The following CD72 variants were observed in gnomAD, a reference collection of about 807,000 sequenced individuals.
CD72 encodes CD72 molecule.
In CD72, 28 loss-of-function variants were observed where a neutral mutation model predicts 50.7. The ratio of observed to expected loss-of-function variants is 0.55; its 90% CI spans 0.41 to 0.76. CD72 has a LOEUF of 0.76. CD72 is among the 30% of genes least tolerant of loss of function. The probability of loss-of-function intolerance (pLI) is 0.00; values close to 1 mark genes in which losing one functional copy is unlikely to be tolerated. For missense variants in CD72, 403 were observed against 420.6 expected, an observed-to-expected ratio of 0.96 and a Z score of 0.37; for synonymous variants, 176 against 171.2, an observed-to-expected ratio of 1.03 and a Z score of -0.22.
chr9:35,617,096 C>T (rs1305867305), intron 3 of CD72, 80 bp downstream of exon 3: 15 of 1,536,810 alleles, frequency 9.8e-6, no homozygotes, highest in Non-Finnish European at 1.2e-5. Context: ...GGAGCTGCAC[C>T]CCGCGGGGCC....
chr9:35,616,308 C>A, intron 4 of CD72, 30 bp from the exon 5 acceptor site: 1 of 1,558,086 alleles, frequency 6.4e-7, no homozygotes, highest in South Asian at 1.1e-5. Context: ...TGGTGGATGT[C>A]TTCTCCAGCC....
chr9:35,616,496 T>G, intron 4 of CD72, 104 bp downstream of exon 4: 2 of 1,004,628 alleles, frequency 2.0e-6, no homozygotes, highest in East Asian at 2.5e-5. Context: ...GCTAAGGAGG[T>G]GGTGGTAGTG....
At chr9:35,625,307 A>C (rs1247148521) in intron 1 of CD72, among the ~76,000 whole-genome samples, 1 of 152,230 alleles carries the variant, frequency 6.6e-6, no homozygotes, top group East Asian at 1.9e-4. Context: ...TGGATAGAAG[A>C]TCAAACCAGC....
upstream of CD72, among the ~76,000 whole-genome samples, chr9:35,619,743 A>T (rs1012144279): frequency 6.6e-6 from 1 of 152,214 alleles, no homozygotes; most frequent in African/African-American, 2.4e-5. Context: ...CGGCTATGTC[A>T]GAGCCTGCCT....
upstream of CD72, among the ~76,000 whole-genome samples, chr9:35,623,609 C>T (rs1414122891): frequency 6.6e-6 from 1 of 152,116 alleles, no homozygotes; most frequent in African/African-American, 2.4e-5. Flanking sequence ...CCCCTTTGAC[C>T]TCAGCTGATT....
At chr9:35,640,283 G>A (rs1165543157) in intron 1 of CD72, among the ~76,000 whole-genome samples, 1 of 152,192 alleles carries the variant, frequency 6.6e-6, no homozygotes, top group East Asian at 1.9e-4. Context: ...TATAAATTTG[G>A]TGATTCCCAT....
At chr9:35,610,814 C>G in intron 7 of CD72, 61 bp from the exon 8 acceptor site, 1 of 1,401,894 alleles carries the variant, frequency 7.1e-7, no homozygotes, top group East Asian at 2.3e-5. Flanking sequence ...TCCCTTCTCT[C>G]CCCTTCCCCT....
chr9:35,640,438 C>A (rs1445719897), intron 1 of CD72, among the ~76,000 whole-genome samples: 1 of 152,346 alleles, frequency 6.6e-6, no homozygotes, highest in East Asian at 1.9e-4. Context: ...TTGGGCCATG[C>A]GATGAGTGTT....
upstream of CD72, among the ~76,000 whole-genome samples, chr9:35,623,645 A>G (rs959623849): frequency 6.6e-6 from 1 of 152,196 alleles, no homozygotes; most frequent in Non-Finnish European, 1.5e-5. Flanking sequence ...GGCCTGGCGC[A>G]GTGGCTCACA....
intron 1 of CD72, among the ~76,000 whole-genome samples, chr9:35,626,708 C>T (rs902000015): frequency 2.6e-5 from 4 of 152,228 alleles, no homozygotes; most frequent in Non-Finnish European, 4.4e-5. Flanking sequence ...CAAGACCCTC[C>T]ACTGGCAAAA....
chr9:35,639,759 C>T (rs563597240), intron 1 of CD72, among the ~76,000 whole-genome samples: 1 of 152,240 alleles, frequency 6.6e-6, no homozygotes, highest in African/African-American at 2.4e-5. Context: ...CCAATTTTAA[C>T]CCTATTTGCC....
chr9:35,644,012 A>G (rs1191298535), intron 1 of CD72, among the ~76,000 whole-genome samples: 2 of 151,568 alleles, frequency 1.3e-5, no homozygotes, highest in Non-Finnish European at 2.9e-5. Flanking sequence ...CAAACTGTAG[A>G]AGGCACTTTA....
chr9:35,622,555 A>G (rs1039559907), upstream of CD72, among the ~76,000 whole-genome samples: 1 of 152,106 alleles, frequency 6.6e-6, no homozygotes, highest in Non-Finnish European at 1.5e-5. Flanking sequence ...TTGGGAAGCC[A>G]AGGTGCACAG....
chr9:35,610,664 G>A lies in CD72; in HGVS notation c.1040C>T (p.Pro347Leu), dbSNP rs1822966094. 1.9e-6 allele frequency: 3 copies of A among 1,613,780 alleles called. No homozygotes were observed. The South Asian group carries it at 3.3e-5, about 18-fold the overall frequency. The change falls in exon 8 of 9, where the codon CCC becomes CTC. Residue 347 changes from proline to leucine, a missense_variant. By Grantham distance (98) the Pro-to-Leu change is moderately conservative. Coordinates refer to ENST00000259633, the MANE Select transcript of CD72 (RefSeq NM_001782.3). ...GAAAGCTGTCATCTCACAGATGTAG[G>A]GAAGAGAACTTCTACATGACTCTGA... Reference protein sequence around the residue: ...LESESCRSSLPYICEMTAFRF... With the variant: ...LESESCRSSLLYICEMTAFRF...
chr9:35,644,901 C>CA (rs527855881), intron 1 of CD72, among the ~76,000 whole-genome samples: 5,398 of 106,862 alleles, frequency 0.051, 154 homozygotes, highest in African/African-American at 0.083. Flanking sequence ...TGACTGAAGC[C>CA]AAAAAAAAAA....
chr9:35,620,341 G>A (rs998924393), upstream of CD72, among the ~76,000 whole-genome samples: 14 of 152,002 alleles, frequency 9.2e-5, no homozygotes, highest in Admixed American at 3.3e-4. Context: ...GTGGTGGCTC[G>A]AACCTGTAGT....
chr9:35,613,980 G>A (rs1390852580), intron 5 of CD72, among the ~76,000 whole-genome samples: 2 of 151,808 alleles, frequency 1.3e-5, no homozygotes, highest in African/African-American at 4.8e-5. Flanking sequence ...ACTCCAGCCT[G>A]GGAGTGCACT....
intron 1 of CD72, among the ~76,000 whole-genome samples, chr9:35,635,041 T>A (rs1225431766): frequency 6.6e-6 from 1 of 152,194 alleles, no homozygotes; most frequent in Non-Finnish European, 1.5e-5. Context: ...CTTGGCTGGG[T>A]ATAGGTTGCA....
At chr9:35,618,590 C>A, upstream of CD72, 2 of 659,972 alleles carry the variant, frequency 3.0e-6, no homozygotes, top group Non-Finnish European at 5.0e-6. Flanking sequence ...CCCATGTCCT[C>A]CCTGTGCTTC....
Sources: allele counts gnomAD v4.1 joint callset (sites outside exome capture counted in the v4.1 genomes callset), GRCh38; gene constraint gnomAD v4.1.1; transcripts MANE v1.5; gene names NCBI Gene and HGNC (gene_info 2026-07-23, HGNC 2026-07-21).